Variants in PLSCR5 observed in about 807,000 individuals in gnomAD.
PLSCR5 encodes the protein phospholipid scramblase family member 5.
In PLSCR5, 44 loss-of-function variants were observed where a neutral mutation model predicts 33.6. The observed-to-expected ratio is 1.31, with a 90% confidence interval of 1.03 to 1.69. The LOEUF (loss-of-function observed/expected upper bound fraction) is 1.69. PLSCR5 is among the 40% of genes most tolerant of loss of function. PLSCR5 has a pLI of 0.00. For synonymous variants in PLSCR5, 148 were observed against 112.3 expected (o/e 1.32, Z -2.01); for missense variants, 375 against 318.7 (o/e 1.18, Z -1.34).
intron 1 of PLSCR5, among the ~76,000 whole-genome samples, chr3:146,604,665 T>C (rs1392487360): frequency 2.6e-5 from 4 of 152,120 alleles, no homozygotes; most frequent in Non-Finnish European, 5.9e-5. Flanking sequence ...ACTCAAAGGC[T>C]GAATGCTTGA....
At chr3:146,602,303 A>G (rs998020951) in intron 1 of PLSCR5, among the ~76,000 whole-genome samples, 2 of 152,178 alleles carry the variant, frequency 1.3e-5, no homozygotes, top group Non-Finnish European at 2.9e-5. Flanking sequence ...TAATATAACA[A>G]TAATGATGCA....
At chr3:146,600,873 AATTATAT>A (rs2044808075) in intron 1 of PLSCR5, among the ~76,000 whole-genome samples, 1 of 148,518 alleles carries the variant, frequency 6.7e-6, no homozygotes, top group African/African-American at 2.4e-5. Flanking sequence ...TACATATATA[AATTATAT>A]ATTATATAAC....
At chr3:146,605,085 A>G (rs2044852850) in intron 1 of PLSCR5, 115 bp downstream of exon 1, 1 of 1,088,078 alleles carries the variant, frequency 9.2e-7, no homozygotes, top group Non-Finnish European at 1.3e-6. Flanking sequence ...AATGTTCAAA[A>G]GTGACAAATG....
chr3:146,602,698 A>G (rs2044829019), intron 1 of PLSCR5, among the ~76,000 whole-genome samples: 1 of 152,108 alleles, frequency 6.6e-6, no homozygotes. Context: ...TGTAAACTTA[A>G]TTGTTAAAGG....
At chr3:146,577,513 A>T (rs1429069272) in intron 7 of PLSCR5, among the ~76,000 whole-genome samples, 1 of 152,116 alleles carries the variant, frequency 6.6e-6, no homozygotes, top group Non-Finnish European at 1.5e-5. Flanking sequence ...TCTACTTTCA[A>T]TTATATGCTT....
rs185402719 is a variant in PLSCR5 at position 146,589,864 on chromosome 3, T to C, written c.616-50A>G. ...TAAATTTGACAGTGAAAAAAGTTGG[T>C]TTTATACTTCTGAGGGTGTTTACTT... On this transcript the variant is annotated intron_variant, in intron 5 of 7. Coordinates refer to ENST00000443512, the MANE Select transcript of PLSCR5 (RefSeq NM_001085420.2). The C allele has an allele frequency of 1.3e-4, 165 of 1,292,076 alleles. 1 individual carries two copies. In the African/African-American group the frequency reaches 2.2e-3, roughly 17 times the overall value. The allele number at this position is 1,292,076 out of a possible 1,614,324, so 80.0% of individuals were successfully genotyped here.
intron 6 of PLSCR5, 65 bp from the exon 7 acceptor site, chr3:146,586,177 G>A: frequency 2.2e-6 from 3 of 1,362,978 alleles, no homozygotes; most frequent in Non-Finnish European, 2.9e-6. Context: ...TCAAAAGTTT[G>A]ACATGCAAGC....
At chr3:146,603,910 G>A (rs573924899) in intron 1 of PLSCR5, among the ~76,000 whole-genome samples, 1 of 152,106 alleles carries the variant, frequency 6.6e-6, no homozygotes, top group South Asian at 2.1e-4. Flanking sequence ...TCACATCTAT[G>A]TTTTACAATT....
intron 4 of PLSCR5, among the ~76,000 whole-genome samples, chr3:146,592,757 T>A (rs1274465118): frequency 1.4e-4 from 21 of 152,154 alleles, no homozygotes; most frequent in Admixed American, 1.2e-3. Context: ...CAAATTTTTT[T>A]AAAAGTTACT....
intron 6 of PLSCR5, among the ~76,000 whole-genome samples, chr3:146,588,859 T>C (rs1308277223): frequency 1.3e-5 from 2 of 152,204 alleles, no homozygotes; most frequent in African/African-American, 4.8e-5. Context: ...CTCTCAACTC[T>C]TATGCTGTTT....
chr3:146,593,701 C>G (rs2044733698), intron 4 of PLSCR5, among the ~76,000 whole-genome samples: 1 of 152,074 alleles, frequency 6.6e-6, no homozygotes, highest in Non-Finnish European at 1.5e-5. Context: ...CTGTCTTCAA[C>G]AGTTTATATC....
chr3:146,596,342 C>T (rs761520710), intron 2 of PLSCR5, among the ~76,000 whole-genome samples: 1 of 152,134 alleles, frequency 6.6e-6, no homozygotes, highest in Admixed American at 6.6e-5. Context: ...GTGCACGCCA[C>T]CATGCTCGGC....
intron 3 of PLSCR5, 38 bp from the exon 4 acceptor site, chr3:146,594,178 TC>T (rs1323967660): frequency 6.8e-7 from 1 of 1,471,410 alleles, no homozygotes; most frequent in Non-Finnish European, 9.4e-7. Context: ...AACATTTTTT[TC>T]CTTAGTATTG....
At chr3:146,591,913 T>G (rs550788825) in intron 4 of PLSCR5, 32 bp from the exon 5 acceptor site, 1 of 1,507,914 alleles carries the variant, frequency 6.6e-7, no homozygotes, top group Non-Finnish European at 8.9e-7. Flanking sequence ...AAATAAGATT[T>G]TCTTAGGTTA....
At chr3:146,604,929 T>C (rs1467122796) in intron 1 of PLSCR5, among the ~76,000 whole-genome samples, 1 of 152,186 alleles carries the variant, frequency 6.6e-6, no homozygotes, top group Non-Finnish European at 1.5e-5. Context: ...TTCTAAACTT[T>C]GCTATGCAGC....
chr3:146,584,103 G>A (rs186581721), downstream of PLSCR5, among the ~76,000 whole-genome samples: 11 of 152,164 alleles, frequency 7.2e-5, no homozygotes, highest in East Asian at 1.2e-3. Flanking sequence ...TTATCATTTC[G>A]TTACCCTACC....
At chr3:146,588,363 C>T (rs914358882) in intron 6 of PLSCR5, among the ~76,000 whole-genome samples, 5 of 151,896 alleles carry the variant, frequency 3.3e-5, no homozygotes, top group South Asian at 4.2e-4. Context: ...CCCAGCTACT[C>T]GGGAGGCTGA....
chr3:146,580,454 C>CTTTTTTTTTTT, intron 7 of PLSCR5, among the ~76,000 whole-genome samples: 1 of 60,570 alleles, frequency 1.7e-5, no homozygotes, highest in Non-Finnish European at 3.0e-5. Context: ...TTTGAATTTG[C>CTTTTTTTTTTT]TTTTTTTTTT....
intron 2 of PLSCR5, among the ~76,000 whole-genome samples, chr3:146,597,348 C>T (rs1294941162): frequency 6.6e-6 from 1 of 152,090 alleles, no homozygotes; most frequent in African/African-American, 2.4e-5. Flanking sequence ...AGCAAGCCCA[C>T]AGAGATTAAG....
Sources: gnomAD v4.1 joint callset for allele counts (sites outside exome capture counted in the v4.1 genomes callset) on GRCh38, gnomAD v4.1.1 for gene constraint, MANE v1.5 for transcripts, NCBI Gene and HGNC (gene_info 2026-07-23, HGNC 2026-07-21) for gene names.